ZNF285: variants seen among roughly 807,000 people sequenced by gnomAD.
ZNF285 encodes the protein zinc finger protein 285, also known as zinc finger protein 285A.
Under a neutral mutation model 6.2 loss-of-function variants are expected in ZNF285, and 4 were observed. The observed-to-expected ratio is 0.65, with a 90% CI of 0.32 to 1.49. ZNF285 has a LOEUF of 1.49. ZNF285 is among the 40% of genes most tolerant of loss of function. ZNF285 has a pLI of 0.07. For missense variants in ZNF285, 695 were observed against 708.8 expected (o/e 0.98, Z 0.22); for synonymous variants, 240 against 245.8 (o/e 0.98, Z 0.22).
chr19:44,399,345 C>T (rs1432001996), intron 1 of ZNF285, among the ~76,000 whole-genome samples: 1 of 138,076 alleles, frequency 7.2e-6, no homozygotes, highest in East Asian at 2.2e-4. Flanking sequence ...TAAAACCTAC[C>T]AAGAAAACAC....
At chr19:44,390,849 G>C (rs1274897270) in intron 3 of ZNF285, among the ~76,000 whole-genome samples, 2 of 152,030 alleles carry the variant, frequency 1.3e-5, no homozygotes, top group African/African-American at 4.8e-5. Context: ...CATGAGATCT[G>C]ATGGTTTTAA....
At chr19:44,395,703 G>T (rs938008231) in intron 2 of ZNF285, among the ~76,000 whole-genome samples, 1 of 152,040 alleles carries the variant, frequency 6.6e-6, no homozygotes, top group Non-Finnish European at 1.5e-5. Flanking sequence ...TCCCACTAAA[G>T]GACCAGAGTG....
chr19:44,385,938 C>A lies in ZNF285; in HGVS notation c.*534G>T, dbSNP rs1046995176. The A allele has an allele frequency of 4.4e-5, 7 of 158,680 alleles. No individual in the cohort carries two copies. Among genetic ancestry groups the A allele is most frequent in the African/African-American group, 1.7e-4 (7 of 41,466 alleles). 9.8% of individuals were successfully genotyped at this position (158,680 alleles called of 1,614,324 possible). A position where few individuals can be genotyped will look rare whatever the true frequency, so the allele number is the denominator to read the frequency against. On this transcript the variant is annotated 3_prime_UTR_variant, in exon 4 of 4. Transcript: ENST00000614994. ...TGGAACCAGTGTGATAAACACAGCA[C>A]TGCCTCTGCCACACCCTTCAAATGC...
At position 44,386,565 on chromosome 19, in the gene ZNF285, T is replaced by C. The variant is rs151063377; in HGVS notation, c.1680A>G (p.Arg560=). 365 of 1,614,078 alleles carry C rather than the reference T, an allele frequency of 2.3e-4. No homozygotes were observed. The highest frequency in any genetic ancestry group is 2.9e-4 in the Non-Finnish European group (337 of 1,180,020). The change falls in exon 4 of 4, where the codon AGA becomes AGG. Residue 560 remains arginine (R), a synonymous_variant. Coordinates refer to ENST00000614994, the MANE Select transcript of ZNF285 (RefSeq NM_152354.6). ...SRNSYLLAHQ[R]VHIDETQYTH... ...TGTACTGTGTCTCATCTATATGCAC[T>C]CTCTGATGGGCAAGGAGGTATGAAT... is the stretch of plus-strand genomic sequence containing the variant.
At chr19:44,401,334 G>C (rs1971373126) in intron 1 of ZNF285, 1 of 152,210 alleles carries the variant, frequency 6.6e-6, no homozygotes, top group African/African-American at 2.4e-5. Context: ...TCAAACCCAG[G>C]GCTGCTCCCC....
chr19:44,400,363 C>A (rs904864798), intron 1 of ZNF285, among the ~76,000 whole-genome samples: 2 of 151,668 alleles, frequency 1.3e-5, no homozygotes, highest in Non-Finnish European at 2.9e-5. Context: ...GAAACACGAT[C>A]AGAAATGTAA....
At chr19:44,395,507 C>T (rs1417592484) in intron 2 of ZNF285, among the ~76,000 whole-genome samples, 2 of 152,110 alleles carry the variant, frequency 1.3e-5, no homozygotes, top group East Asian at 3.8e-4. Flanking sequence ...CCCATTTGAA[C>T]AAACCAACTG....
intron 1 of ZNF285, among the ~76,000 whole-genome samples, chr19:44,398,015 G>A (rs547071881): frequency 3.5e-4 from 53 of 151,966 alleles, no homozygotes; most frequent in Non-Finnish European, 6.5e-4. Flanking sequence ...AGAACATGCC[G>A]TTAGCCAAAA....
chr19:44,392,120 G>A, intron 3 of ZNF285: 2 of 1,389,488 alleles, frequency 1.4e-6, no homozygotes, highest in Non-Finnish European at 1.9e-6. Context: ...CCACAGGCCA[G>A]GGGTATGAGA....
At chr19:44,399,973 A>G (rs987054088) in intron 1 of ZNF285, among the ~76,000 whole-genome samples, 1 of 150,628 alleles carries the variant, frequency 6.6e-6, no homozygotes, top group Non-Finnish European at 1.5e-5. Context: ...AATCTGTGAC[A>G]ATCCTGCAGA....
Position 44,385,616 on chromosome 19 carries a change from C to T in ZNF285, c.*856G>A, listed in dbSNP as rs563461154. 6.6e-6 allele frequency: 1 copy of T among 152,296 alleles called. No individual in the cohort carries two copies. The highest frequency in any genetic ancestry group is 2.4e-5 in the African/African-American group (1 of 41,568). The allele number at this position is 152,296 out of a possible 1,614,324, so 9.4% of individuals were successfully genotyped here. On this transcript the variant is annotated 3_prime_UTR_variant, in exon 4 of 4. Transcript: ENST00000614994. Reference sequence around the variant, plus strand: ...AGTCAGGATAGCCTAGGCAATGCTGCAGTAATAAATAAACCACCAAAAATC... The same window carrying T: ...AGTCAGGATAGCCTAGGCAATGCTGTAGTAATAAATAAACCACCAAAAATC...
intron 1 of ZNF285, among the ~76,000 whole-genome samples, chr19:44,400,169 T>C (rs1409799332): frequency 1.3e-5 from 2 of 149,098 alleles, no homozygotes; most frequent in Non-Finnish European, 2.9e-5. Flanking sequence ...AAGACTCTTG[T>C]TTTTTCCCTA....
At chr19:44,394,604 C>G in intron 2 of ZNF285, 1 of 532,304 alleles carries the variant, frequency 1.9e-6, no homozygotes. Context: ...ATCTCCTCAT[C>G]AAGAAACCAA....
rs1217738388 is a variant in ZNF285, at chr19:44,382,681, G to A, written c.*3791C>T. 6.6e-6 allele frequency: 1 copy of A among 152,246 alleles called. No homozygotes were observed. Among genetic ancestry groups the A allele is most frequent in the Non-Finnish European group, 1.5e-5 (1 of 68,122 alleles). The allele number at this position is 152,246 out of a possible 1,614,324, so 9.4% of individuals were successfully genotyped here. On this transcript the variant is annotated 3_prime_UTR_variant, in exon 4 of 4. Transcript: ENST00000614994. Reference sequence around the variant, plus strand: ...AAGCACCAGGGCCTGGGTGAAGCAGGAAATAGACCACACCTCACCGCTATG... The same window carrying A: ...AAGCACCAGGGCCTGGGTGAAGCAGAAAATAGACCACACCTCACCGCTATG...
At chr19:44,390,674 AG>A (rs1485484934) in intron 3 of ZNF285, among the ~76,000 whole-genome samples, 16 of 151,734 alleles carry the variant, frequency 1.1e-4, no homozygotes, top group Admixed American at 4.6e-4. Flanking sequence ...ATGATTTGGG[AG>A]GGGCCAGTGG....
At chr19:44,388,525 T>C (rs2437024) in intron 3 of ZNF285, among the ~76,000 whole-genome samples, 42,801 of 151,626 alleles carry the variant, frequency 0.28, 10,573 homozygotes, top group African/African-American at 0.65. Context: ...TGAGCCAAGA[T>C]TGTGCCACTG....
Position 44,387,039 on chromosome 19 carries a change from G to T in ZNF285, c.1206C>A (p.Cys402Ter), listed in dbSNP as rs1971094140. ...AACTAAAGCACTTGCCACACTCACT[G>T]CATTTGTAGGGCTTCTCTCCAGTGT... ...RVHTGEKPYK[C>*]SECGKCFSSS... The change falls in exon 4 of 4, where the codon TGC becomes TGA. Residue 402 changes from cysteine (C) to a stop codon, truncating the protein, a stop_gained. Coordinates refer to ENST00000614994, the MANE Select transcript of ZNF285 (RefSeq NM_152354.6). LOFTEE classifies it low-confidence loss of function (END_TRUNC). 6.2e-7 allele frequency: 1 copy of T among 1,613,994 alleles called. No homozygotes were observed. Among genetic ancestry groups the T allele is most frequent in the African/African-American group, 1.3e-5 (1 of 74,916 alleles).
intron 1 of ZNF285, among the ~76,000 whole-genome samples, chr19:44,399,830 G>T (rs1447457703): frequency 6.6e-6 from 1 of 152,154 alleles, no homozygotes; most frequent in Non-Finnish European, 1.5e-5. Flanking sequence ...ATCCTGGGGA[G>T]TGACAGGGAG....
rs553045966 is a variant in ZNF285, at chr19:44,386,964, T to A, written c.1281A>T (p.Pro427=). 246 of 1,613,050 alleles carry A rather than the reference T, an allele frequency of 1.5e-4. No homozygotes were observed. The highest frequency in any genetic ancestry group is 3.5e-4 in the Admixed American group (21 of 59,980). ...VHWRFHTGEK[P]YRCGECGKGF... is the part of the protein sequence containing the mutation. The stretch of plus-strand genomic sequence containing the variant: ...CCTTTCCACACTCACCACACCTATA[T>A]GGTTTCTCCCCTGTGTGAAACCTCC... Residue 427 remains proline (P), a synonymous_variant, in exon 4 of 4, where the codon CCA becomes CCT. Transcript: ENST00000614994.
Sources: gnomAD v4.1 joint callset for allele counts (sites outside exome capture counted in the v4.1 genomes callset) on GRCh38, gnomAD v4.1.1 for gene constraint, MANE v1.5 for transcripts, NCBI Gene and HGNC (gene_info 2026-07-23, HGNC 2026-07-21) for gene names.